Variants in METTL15 observed in about 807,000 individuals in gnomAD.
METTL15 encodes methyltransferase 15, mitochondrial 12S rRNA N4-cytidine, also known as 12S rRNA N(4)-cytidine methyltransferase METTL15.
METTL15 carries 34 observed loss-of-function variants against 38.3 expected under a neutral mutation model. The observed-to-expected ratio is 0.89, with a 90% CI of 0.68 to 1.18. The LOEUF is 1.18. Among genes scored for constraint, METTL15 ranks in the 50% most tolerant of loss-of-function variants. The pLI, the probability that METTL15 is intolerant of heterozygous loss-of-function variation, is 0.00. For missense variants in METTL15, 438 were observed against 498.4 expected (o/e 0.88, Z 1.15); for synonymous variants, 162 against 170.9 (o/e 0.95, Z 0.41).
At chr11:28,438,470 T>C (rs759714515) in intron 6 of METTL15, among the ~76,000 whole-genome samples, 1 of 152,154 alleles carries the variant, frequency 6.6e-6, no homozygotes, top group Non-Finnish European at 1.5e-5. Flanking sequence ...ACATATTCCC[T>C]GTGCTTGAGA....
intron 5 of METTL15, among the ~76,000 whole-genome samples, chr11:28,294,554 AT>A (rs1428310392): frequency 2.0e-5 from 3 of 152,180 alleles, no homozygotes; most frequent in Admixed American, 6.6e-5. Context: ...AGCTTCAAGA[AT>A]TTGAGAGTCT....
At chr11:28,509,860 T>A (rs1367370364) in intron 6 of METTL15, among the ~76,000 whole-genome samples, 1 of 152,192 alleles carries the variant, frequency 6.6e-6, no homozygotes, top group Non-Finnish European at 1.5e-5. Context: ...CTCACTTGTC[T>A]CTGCTTTGTA....
chr11:28,138,371 A>G (rs1416873734), intron 3 of METTL15, among the ~76,000 whole-genome samples: 1 of 152,198 alleles, frequency 6.6e-6, no homozygotes, highest in African/African-American at 2.4e-5. Context: ...AGTGCTTTTT[A>G]AGAAAATCCT....
At chr11:28,309,498 T>C (rs1339052637) in intron 6 of METTL15, among the ~76,000 whole-genome samples, 1 of 152,208 alleles carries the variant, frequency 6.6e-6, no homozygotes, top group African/African-American at 2.4e-5. Flanking sequence ...TTTTTAATTA[T>C]TACCATTGAG....
intron 5 of METTL15, among the ~76,000 whole-genome samples, chr11:28,391,934 G>A (rs1478857338): frequency 6.6e-6 from 1 of 152,086 alleles, no homozygotes; most frequent in Non-Finnish European, 1.5e-5. Context: ...AATACCAAAA[G>A]CATGGCAACA....
chr11:28,258,533 T>G (rs1855065615), intron 4 of METTL15, among the ~76,000 whole-genome samples: 1 of 152,110 alleles, frequency 6.6e-6, no homozygotes, highest in Non-Finnish European at 1.5e-5. Context: ...TCAAAAATCT[T>G]TGAAGTTTGT....
intron 2 of METTL15, among the ~76,000 whole-genome samples, chr11:28,111,861 GCTTA>G (rs1292784097): frequency 6.6e-6 from 1 of 152,162 alleles, no homozygotes; most frequent in Non-Finnish European, 1.5e-5. Flanking sequence ...GGGTAGTTGA[GCTTA>G]CTTTTGTACG....
chr11:28,171,653 G>A (rs923928778), intron 3 of METTL15, among the ~76,000 whole-genome samples: 4 of 152,062 alleles, frequency 2.6e-5, no homozygotes, highest in African/African-American at 9.7e-5. Flanking sequence ...ATATAGTGAT[G>A]TTATTGGGTT....
intron 4 of METTL15, among the ~76,000 whole-genome samples, chr11:28,273,600 T>C (rs1590245717): frequency 6.6e-6 from 1 of 152,050 alleles, no homozygotes; most frequent in African/African-American, 2.4e-5. Flanking sequence ...ATTGAGTGGC[T>C]GAAAATATAT....
intron 4 of METTL15, among the ~76,000 whole-genome samples, chr11:28,353,030 T>C (rs758527464): frequency 1.3e-4 from 20 of 152,102 alleles, no homozygotes; most frequent in Non-Finnish European, 2.4e-4. Flanking sequence ...AGCAGTAAAA[T>C]TAGAACATCA....
chr11:28,157,571 A>G (rs1357041588), intron 3 of METTL15, among the ~76,000 whole-genome samples: 1 of 152,168 alleles, frequency 6.6e-6, no homozygotes, highest in Non-Finnish European at 1.5e-5. Context: ...TGGAAACTGA[A>G]CATTTGACTA....
intron 3 of METTL15, among the ~76,000 whole-genome samples, chr11:28,172,828 C>T (rs892623619): frequency 5.3e-5 from 8 of 152,158 alleles, no homozygotes; most frequent in Non-Finnish European, 7.4e-5. Context: ...GAGCTATGAG[C>T]AAACTATTCA....
chr11:28,340,263 C>G (rs780187664), intron 3 of METTL15, among the ~76,000 whole-genome samples: 1 of 152,026 alleles, frequency 6.6e-6, no homozygotes, highest in Non-Finnish European at 1.5e-5. Flanking sequence ...CCATTACTCT[C>G]TAATTTCAGT....
rs1448413465 is a variant in METTL15, at chr11:28,332,312, A to G, written c.*1471A>G. The G allele has an allele frequency of 3.3e-5, 5 of 152,204 alleles. No individual in the cohort carries two copies. The highest frequency in any genetic ancestry group is 5.9e-5 in the Non-Finnish European group (4 of 68,044). 9.4% of individuals were successfully genotyped at this position (152,204 alleles called of 1,614,324 possible). On this transcript the variant is annotated 3_prime_UTR_variant, in exon 7 of 7. Coordinates refer to ENST00000407364, the MANE Select transcript of METTL15 (RefSeq NM_001113528.2). Reference sequence around the variant, plus strand: ...TCCCTGAATCCTACTTGAACATTGTATAAATTTCTCTTTGCATATAATACA... The same window carrying G: ...TCCCTGAATCCTACTTGAACATTGTGTAAATTTCTCTTTGCATATAATACA...
At chr11:28,221,171 C>T (rs1853197819) in intron 4 of METTL15, among the ~76,000 whole-genome samples, 1 of 152,298 alleles carries the variant, frequency 6.6e-6, no homozygotes, top group East Asian at 1.9e-4. Context: ...AACTTGGTTC[C>T]ATTCTCCCCA....
At chr11:28,163,621 T>C in intron 3 of METTL15, 1 of 394,670 alleles carries the variant, frequency 2.5e-6, no homozygotes. Context: ...ATGACTTAGG[T>C]AAAATAATGT....
chr11:28,123,125 G>A (rs1332778806), intron 3 of METTL15, among the ~76,000 whole-genome samples: 2 of 152,058 alleles, frequency 1.3e-5, no homozygotes, highest in African/African-American at 4.8e-5. Flanking sequence ...TTGTATATGA[G>A]AAGCTCATAG....
At chr11:28,471,874 A>G (rs1319045937) in intron 6 of METTL15, among the ~76,000 whole-genome samples, 1 of 152,126 alleles carries the variant, frequency 6.6e-6, no homozygotes, top group Non-Finnish European at 1.5e-5. Flanking sequence ...AGCAGACATC[A>G]TTCTCTGTGG....
At chr11:28,312,976 T>G (rs1189060287) in intron 6 of METTL15, among the ~76,000 whole-genome samples, 2 of 152,116 alleles carry the variant, frequency 1.3e-5, no homozygotes, top group Non-Finnish European at 2.9e-5. Flanking sequence ...TTGTTTTTTT[T>G]TTTTCTTTCT....
Sources: gnomAD v4.1 joint callset for allele counts (sites outside exome capture counted in the v4.1 genomes callset) on GRCh38, gnomAD v4.1.1 for gene constraint, MANE v1.5 for transcripts, NCBI Gene and HGNC (gene_info 2026-07-23, HGNC 2026-07-21) for gene names.